Variants in AADAT observed in about 807,000 individuals in gnomAD.
AADAT encodes the protein kynurenine/alpha-aminoadipate aminotransferase, mitochondrial.
A neutral mutation model predicts 56.2 loss-of-function variants in AADAT; 25 were observed. The ratio of observed to expected loss-of-function variants is 0.44; its 90% CI spans 0.32 to 0.62. The LOEUF (loss-of-function observed/expected upper bound fraction) is 0.62, where lower values mean the gene tolerates loss of function less well. AADAT is among the 20% of genes least tolerant of loss of function. The pLI, the probability that AADAT is intolerant of heterozygous loss-of-function variation, is 0.04. For missense variants in AADAT, 387 were observed against 510.5 expected, an observed-to-expected ratio of 0.76 and a Z score of 2.33; for synonymous variants, 173 against 164.7, an observed-to-expected ratio of 1.05 and a Z score of -0.39.
At chr4:170,071,173 A>G (rs1378958686) in intron 5 of AADAT, among the ~76,000 whole-genome samples, 1 of 152,214 alleles carries the variant, frequency 6.6e-6, no homozygotes, top group African/African-American at 2.4e-5. Flanking sequence ...TCAGCCTCCC[A>G]AAGTGCTGGG....
At chr4:170,072,314 T>TAC (rs1731814509) in intron 5 of AADAT, among the ~76,000 whole-genome samples, 2 of 151,886 alleles carry the variant, frequency 1.3e-5, no homozygotes, top group African/African-American at 4.8e-5. Context: ...TATATATATA[T>TAC]ATTTAGAGTT....
At chr4:170,093,968 AT>A (rs1197235703), upstream of AADAT, among the ~76,000 whole-genome samples, 1 of 152,168 alleles carries the variant, frequency 6.6e-6, no homozygotes. Context: ...TGGTAACACA[AT>A]TTAAGGAAGC....
intron 4 of AADAT, among the ~76,000 whole-genome samples, chr4:170,074,048 T>G (rs1731920425): frequency 6.6e-6 from 1 of 152,178 alleles, no homozygotes; most frequent in African/African-American, 2.4e-5. Flanking sequence ...ATCTGGGGCT[T>G]AGAAGAAAGA....
At chr4:170,082,245 T>A (rs530958154) in intron 3 of AADAT, among the ~76,000 whole-genome samples, 2 of 152,302 alleles carry the variant, frequency 1.3e-5, no homozygotes, top group Admixed American at 1.3e-4. Context: ...AATTGAGACA[T>A]CTCAAGCCAA....
At chr4:170,091,453 A>C (rs1013317843), upstream of AADAT, 1 of 153,746 alleles carries the variant, frequency 6.5e-6, no homozygotes, top group Non-Finnish European at 1.4e-5. Flanking sequence ...GCCAGGCCTC[A>C]GCTGCCTCCC....
intron 4 of AADAT, among the ~76,000 whole-genome samples, chr4:170,074,300 T>C (rs937471562): frequency 1.3e-5 from 2 of 152,128 alleles, no homozygotes; most frequent in African/African-American, 4.8e-5. Flanking sequence ...ATTGCTCCTG[T>C]CACCCAGGTA....
At chr4:170,061,795 C>G (rs2111131479) in intron 12 of AADAT, 97 bp downstream of exon 12, 1 of 802,112 alleles carries the variant, frequency 1.2e-6, no homozygotes. Context: ...GAAACCCAAA[C>G]AGATATTAAG....
At chr4:170,082,175 A>T (rs944913550) in intron 3 of AADAT, among the ~76,000 whole-genome samples, 3 of 152,214 alleles carry the variant, frequency 2.0e-5, no homozygotes, top group Non-Finnish European at 2.9e-5. Context: ...TGAAGCCTAA[A>T]CGACAAATTG....
At chr4:170,074,761 G>A (rs1731954396) in intron 4 of AADAT, among the ~76,000 whole-genome samples, 1 of 151,954 alleles carries the variant, frequency 6.6e-6, no homozygotes, top group African/African-American at 2.4e-5. Flanking sequence ...CAGTACAGTA[G>A]AATTTCCATA....
chr4:170,070,190 G>A (rs946551180), intron 6 of AADAT, among the ~76,000 whole-genome samples: 8 of 151,606 alleles, frequency 5.3e-5, no homozygotes, highest in Non-Finnish European at 1.0e-4. Flanking sequence ...ATTCTAATCG[G>A]CCACCACCAA....
intron 9 of AADAT, 104 bp downstream of exon 9, chr4:170,067,223 G>T: frequency 3.5e-6 from 3 of 857,056 alleles, no homozygotes; most frequent in Non-Finnish European, 5.5e-6. Flanking sequence ...TCTCCTTTCC[G>T]AGGATACTTA....
intron 2 of AADAT, 42 bp from the exon 3 acceptor site, chr4:170,087,290 T>C (rs1210978499): frequency 6.4e-7 from 1 of 1,574,462 alleles, no homozygotes; most frequent in South Asian, 1.1e-5. Context: ...GTAGTAAAAA[T>C]CATAGTAACA....
At chr4:170,072,400 G>T (rs990589789) in intron 5 of AADAT, among the ~76,000 whole-genome samples, 2 of 152,050 alleles carry the variant, frequency 1.3e-5, no homozygotes, top group Non-Finnish European at 2.9e-5. Context: ...CTTCCAAAGT[G>T]CTGGGATTAC....
intron 4 of AADAT, among the ~76,000 whole-genome samples, chr4:170,076,519 T>C (rs910223806): frequency 2.6e-5 from 4 of 152,208 alleles, no homozygotes; most frequent in African/African-American, 9.6e-5. Context: ...CACATGTTCT[T>C]CAGACTAATG....
At chr4:170,085,780 TA>T (rs1270378250) in intron 3 of AADAT, among the ~76,000 whole-genome samples, 1 of 152,198 alleles carries the variant, frequency 6.6e-6, no homozygotes, top group Non-Finnish European at 1.5e-5. Context: ...TAAGTTTTTT[TA>T]ATTTTTAAAA....
In AADAT at chr4:170,067,405, C is replaced by T. The variant is rs1053376527; in HGVS notation, c.901-17G>A. 1.9e-6 allele frequency: 3 copies of T among 1,603,156 alleles called. No individual in the cohort carries two copies. The highest frequency in any genetic ancestry group is 2.7e-5 in the African/African-American group (2 of 74,460). ...TATCATGAGCTAAAAGAGATAAAAT[C>T]ATAAATACCATGTTTCATCCCCTGA... On this transcript the variant is annotated splice_polypyrimidine_tract_variant and intron_variant, in intron 8 of 12. Transcript: ENST00000337664.
intron 9 of AADAT, 117 bp from the exon 10 acceptor site, chr4:170,066,595 C>A: frequency 1.4e-6 from 1 of 736,042 alleles, no homozygotes; most frequent in Non-Finnish European, 2.4e-6. Flanking sequence ...ATGTTGAATG[C>A]TTGATAGAAG....
chr4:170,086,692 C>T (rs1732579588), intron 3 of AADAT, among the ~76,000 whole-genome samples: 1 of 152,164 alleles, frequency 6.6e-6, no homozygotes, highest in African/African-American at 2.4e-5. Flanking sequence ...GAGTTGAGTA[C>T]TCCCTTAGTG....
intron 3 of AADAT, among the ~76,000 whole-genome samples, chr4:170,086,341 C>T (rs1732560558): frequency 6.6e-6 from 1 of 151,934 alleles, no homozygotes; most frequent in African/African-American, 2.4e-5. Flanking sequence ...GTGTTTACAT[C>T]TGTGGAGTTC....
Sources: gnomAD v4.1 joint callset for allele counts (sites outside exome capture counted in the v4.1 genomes callset) on GRCh38, gnomAD v4.1.1 for gene constraint, MANE v1.5 for transcripts, NCBI Gene and HGNC (gene_info 2026-07-23, HGNC 2026-07-21) for gene names.